Variants in F13A1 observed in about 807,000 individuals in gnomAD.
F13A1 encodes the protein FSF, A subunit.
A neutral mutation model predicts 80.1 loss-of-function variants in F13A1; 47 were observed. That is an observed-to-expected ratio of 0.59 (90% CI 0.46 to 0.75). The LOEUF (loss-of-function observed/expected upper bound fraction) is 0.75. F13A1 is among the 30% of genes least tolerant of loss of function. The pLI is 0.00. For missense variants in F13A1, 817 were observed against 930.4 expected (o/e 0.88, Z 1.59); for synonymous variants, 349 against 344.9 (o/e 1.01, Z -0.13).
At chr6:6,312,029 TTATA>T (rs955840918) in intron 2 of F13A1, among the ~76,000 whole-genome samples, 1 of 147,898 alleles carries the variant, frequency 6.8e-6, no homozygotes, top group South Asian at 2.1e-4. Flanking sequence ...AGCAAACTTT[TTATA>T]TATATATAAA....
chr6:6,186,759 A>C (rs998295746), intron 10 of F13A1, among the ~76,000 whole-genome samples: 1 of 151,978 alleles, frequency 6.6e-6, no homozygotes, highest in Non-Finnish European at 1.5e-5. Context: ...AATTCTGTGA[A>C]GAAAGTCACT....
intron 10 of F13A1, among the ~76,000 whole-genome samples, chr6:6,193,029 C>A (rs1343995485): frequency 6.6e-6 from 1 of 152,080 alleles, no homozygotes; most frequent in Non-Finnish European, 1.5e-5. Context: ...CCCTAGGCCA[C>A]CATAAGCTGG....
intron 1 of F13A1, among the ~76,000 whole-genome samples, chr6:6,320,130 T>G (rs549253250): frequency 6.6e-6 from 1 of 152,022 alleles, no homozygotes; most frequent in South Asian, 2.1e-4. Flanking sequence ...TGGCTCGAGT[T>G]CAGCTCCAAA....
chr6:6,216,305 G>T (rs28855522), intron 8 of F13A1, among the ~76,000 whole-genome samples: 1 of 149,872 alleles, frequency 6.7e-6, no homozygotes, highest in Non-Finnish European at 1.5e-5. Flanking sequence ...ACCAAAACAG[G>T]ATGGTACTGG....
chr6:6,190,495 A>T (rs1291623796), intron 10 of F13A1, among the ~76,000 whole-genome samples: 6 of 149,424 alleles, frequency 4.0e-5, no homozygotes, highest in Admixed American at 2.0e-4. Context: ...GTAAGGTGTC[A>T]GTGTTCCCCT....
intron 4 of F13A1, among the ~76,000 whole-genome samples, chr6:6,259,047 C>T (rs1008980633): frequency 1.2e-4 from 19 of 152,206 alleles, no homozygotes; most frequent in Admixed American, 9.8e-4. Flanking sequence ...CTGCCTTTTT[C>T]ACTGCCATAG....
At chr6:6,305,127 C>G in intron 3 of F13A1, 1 of 600,168 alleles carries the variant, frequency 1.7e-6, no homozygotes, top group Non-Finnish European at 3.0e-6. Context: ...ACCAGTTTTA[C>G]TTTTATTTAT....
intron 8 of F13A1, among the ~76,000 whole-genome samples, chr6:6,214,760 C>CAA (rs1554101066): frequency 1.9e-4 from 12 of 62,372 alleles, no homozygotes; most frequent in South Asian, 6.2e-4. Context: ...TTGAAAGGAT[C>CAA]AACAAAATTG....
chr6:6,302,025 GTCT>G (rs1233652462), intron 3 of F13A1, among the ~76,000 whole-genome samples: 1 of 152,152 alleles, frequency 6.6e-6, no homozygotes, highest in Non-Finnish European at 1.5e-5. Context: ...CTGCGCACAA[GTCT>G]TCTTCTCAGA....
intron 13 of F13A1, among the ~76,000 whole-genome samples, chr6:6,157,695 C>G (rs1049276170): frequency 6.6e-6 from 1 of 152,150 alleles, no homozygotes; most frequent in East Asian, 1.9e-4. Context: ...ATAGGAGTCA[C>G]TATCTAGGAT....
chr6:6,264,257 T>C (rs1029015439), intron 4 of F13A1, among the ~76,000 whole-genome samples: 3 of 152,228 alleles, frequency 2.0e-5, no homozygotes, highest in African/African-American at 7.2e-5. Context: ...ATATCCCATT[T>C]ACACACATGA....
rs576370194 is a variant in F13A1, at chr6:6,196,652, A to AT, written c.1216+570dup. ...CAGTCTACTGATTCTTTATATTATC[A>AT]TATTAAAGAGAGATGGAGGCTTATG... is the stretch of plus-strand genomic sequence containing the variant. On this transcript the variant is annotated intron_variant, in intron 9 of 14. Transcript: ENST00000264870. 1.4e-4 allele frequency among the ~76,000 whole-genome samples: 22 copies of AT among 152,320 alleles called. No individual in the cohort carries two copies. The East Asian group carries it at 3.7e-3, about 25-fold the overall frequency.
chr6:6,169,692 A>C (rs1292062739), intron 12 of F13A1, among the ~76,000 whole-genome samples: 1 of 152,182 alleles, frequency 6.6e-6, no homozygotes, highest in Non-Finnish European at 1.5e-5. Flanking sequence ...TTACTACTGG[A>C]ATCTGGTGGA....
intron 6 of F13A1, among the ~76,000 whole-genome samples, chr6:6,227,349 A>G (rs778586318): frequency 2.6e-5 from 4 of 152,248 alleles, no homozygotes; most frequent in Admixed American, 6.5e-5. Flanking sequence ...AATTTGTTCA[A>G]TGTAGGAAAA....
At chr6:6,314,495 A>T (rs1018606190) in intron 2 of F13A1, among the ~76,000 whole-genome samples, 1 of 151,866 alleles carries the variant, frequency 6.6e-6, no homozygotes, top group African/African-American at 2.4e-5. Flanking sequence ...ACACTTTTCC[A>T]TGCGCTTGCC....
rs1313768165 is a variant in F13A1 at position 6,214,309 on chromosome 6, CAG to C, written c.1112+7722_1112+7723del. ...GCCCTCCTCAGCAAATGTAAAAGAA[CAG>C]AAATTATAACAAACTATGTCTCAGA... On this transcript the variant is annotated intron_variant, in intron 8 of 14. Coordinates refer to ENST00000264870, the MANE Select transcript of F13A1 (RefSeq NM_000129.4). Among the ~76,000 whole-genome samples, 3 of 151,846 alleles carry C rather than the reference CAG, an allele frequency of 2.0e-5. No homozygotes were observed. In the South Asian group the frequency reaches 6.2e-4, roughly 32 times the overall value.
At chr6:6,171,483 G>A (rs983374492) in intron 12 of F13A1, among the ~76,000 whole-genome samples, 47 of 152,106 alleles carry the variant, frequency 3.1e-4, no homozygotes, top group African/African-American at 8.7e-4. Flanking sequence ...CCAATCAGGC[G>A]GGCTCCACCT....
chr6:6,147,672 T>C (rs7772909), intron 14 of F13A1, among the ~76,000 whole-genome samples: 20,154 of 152,212 alleles, frequency 0.13, 1,498 homozygotes, highest in Middle Eastern at 0.17. Flanking sequence ...GTACTGTAGA[T>C]AACCACCTCA....
At chr6:6,273,382 T>C (rs1036407848) in intron 3 of F13A1, among the ~76,000 whole-genome samples, 3 of 152,154 alleles carry the variant, frequency 2.0e-5, no homozygotes, top group Non-Finnish European at 4.4e-5. Flanking sequence ...AGCTCTGGAA[T>C]GAGATGCCCA....
Sources: gnomAD v4.1 joint callset for allele counts (sites outside exome capture counted in the v4.1 genomes callset) on GRCh38, gnomAD v4.1.1 for gene constraint, MANE v1.5 for transcripts, NCBI Gene and HGNC (gene_info 2026-07-23, HGNC 2026-07-21) for gene names.